The following KAZN variants were observed in gnomAD, a reference collection of about 807,000 sequenced individuals.
KAZN encodes kazrin.
A neutral mutation model predicts 87.4 loss-of-function variants in KAZN; 40 were observed. The observed-to-expected ratio is 0.46, with a 90% CI of 0.36 to 0.60. The LOEUF (loss-of-function observed/expected upper bound fraction) is 0.60, where lower values mean the gene tolerates loss of function less well. Among genes scored for constraint, KAZN ranks in the 20% least tolerant of loss-of-function variants. The pLI is 0.00. For missense variants in KAZN, 898 were observed against 1,073.9 expected, an observed-to-expected ratio of 0.84 and a Z score of 2.29; for synonymous variants, 466 against 458.3, an observed-to-expected ratio of 1.02 and a Z score of -0.22.
chr1:14,058,868 G>C (rs777912504), intron 1 of KAZN, among the ~76,000 whole-genome samples: 26 of 152,188 alleles, frequency 1.7e-4, no homozygotes, highest in Non-Finnish European at 3.7e-4. Flanking sequence ...TTTCCAACCA[G>C]GATCAGCATG....
rs192154046 is a variant in KAZN at position 14,754,526 on chromosome 1, G to A, written c.226+155303G>A. ...TGGGCGCCTGTAACCCCAGCTACTT[G>A]GGAGGCTGAGGCAAGAGGATCGCTT... On this transcript the variant is annotated intron_variant, in intron 1 of 14. Coordinates refer to ENST00000376030, the MANE Select transcript of KAZN (RefSeq NM_201628.3). Among the ~76,000 whole-genome samples the A allele has an allele frequency of 6.2e-4, 95 of 152,206 alleles. 1 individual carries two copies. Among genetic ancestry groups the A allele is most frequent in the African/African-American group, 2.2e-3 (93 of 41,536 alleles).
Position 14,773,762 on chromosome 1 carries a change from C to CCA in KAZN, c.226+174540_226+174541dup, listed in dbSNP as rs1420419863. 6.6e-6 allele frequency among the ~76,000 whole-genome samples: 1 copy of CCA among 152,130 alleles called. No individual in the cohort carries two copies. The highest frequency in any genetic ancestry group is 1.5e-5 in the Non-Finnish European group (1 of 68,016). ...TCTGTGGCCTGGGCTTCCGGGGCTGCCATCTCTAATGAACTCAGCCTTCCT... is the reference window on the plus strand; with the variant it reads ...TCTGTGGCCTGGGCTTCCGGGGCTGCCACATCTCTAATGAACTCAGCCTTCCT... On this transcript the variant is annotated intron_variant, in intron 1 of 14. Transcript: ENST00000376030. The surrounding 1 kb of genome is among the most constrained non-coding windows in gnomAD (Gnocchi z 5.9).
intron 2 of KAZN, among the ~76,000 whole-genome samples, chr1:14,182,623 A>G (rs1336383505): frequency 6.6e-6 from 1 of 152,130 alleles, no homozygotes; most frequent in Non-Finnish European, 1.5e-5. Flanking sequence ...AGGAATCCCA[A>G]CGTTTTGGGG....
intron 2 of KAZN, among the ~76,000 whole-genome samples, chr1:14,568,987 G>A (rs530274449): frequency 2.6e-5 from 4 of 152,246 alleles, no homozygotes; most frequent in Admixed American, 6.5e-5. Context: ...CACTCCATTC[G>A]GTTGATGCAG....
intron 1 of KAZN, among the ~76,000 whole-genome samples, chr1:14,045,039 GA>G (rs1468861305): frequency 1.3e-5 from 2 of 152,142 alleles, no homozygotes; most frequent in Admixed American, 1.3e-4. Flanking sequence ...GATGCAATGT[GA>G]AAAGAGAGAG....
At chr1:14,706,608 G>C (rs1642223370) in intron 1 of KAZN, among the ~76,000 whole-genome samples, 1 of 152,100 alleles carries the variant, frequency 6.6e-6, no homozygotes, top group Non-Finnish European at 1.5e-5. Context: ...CAATTATTGT[G>C]TGTCAACTTT....
chr1:14,615,056 C>T (rs1199560965), intron 1 of KAZN, among the ~76,000 whole-genome samples: 4 of 152,240 alleles, frequency 2.6e-5, no homozygotes, highest in Non-Finnish European at 5.9e-5. Context: ...GCCAATTCCC[C>T]TGTAAATGTC....
chr1:14,797,611 C>T (rs2100720130), intron 1 of KAZN, among the ~76,000 whole-genome samples: 1 of 152,294 alleles, frequency 6.6e-6, no homozygotes, highest in East Asian at 1.9e-4. Context: ...TCATTTTTAT[C>T]ACTGATCTCA....
At chr1:14,141,496 A>AT (rs368959432) in intron 1 of KAZN, among the ~76,000 whole-genome samples, 5 of 150,916 alleles carry the variant, frequency 3.3e-5, no homozygotes, top group African/African-American at 1.2e-4. Context: ...TACAGTAATA[A>AT]AAAAAAAATT....
chr1:14,552,690 T>C (rs1673615884), intron 2 of KAZN, among the ~76,000 whole-genome samples: 1 of 152,202 alleles, frequency 6.6e-6, no homozygotes, highest in African/African-American at 2.4e-5. Context: ...GCAGCTGGAC[T>C]CAGGCAACAG....
chr1:14,248,875 G>A (rs1165328377), intron 2 of KAZN, among the ~76,000 whole-genome samples: 2 of 152,174 alleles, frequency 1.3e-5, no homozygotes, highest in African/African-American at 2.4e-5. Context: ...TTCACACTTA[G>A]AGGCCAAGCA....
chr1:14,803,730 G>A (rs113560891), intron 1 of KAZN, among the ~76,000 whole-genome samples: 2 of 152,250 alleles, frequency 1.3e-5, no homozygotes, highest in African/African-American at 4.8e-5. Flanking sequence ...GCCTGGAGAG[G>A]CGATGCCAAG....
intron 1 of KAZN, among the ~76,000 whole-genome samples, chr1:14,827,386 T>TTC (rs1646923033): frequency 1.3e-5 from 2 of 152,216 alleles, no homozygotes; most frequent in Non-Finnish European, 2.9e-5. Context: ...ACCCAACGTG[T>TTC]AGCCTTTTAT....
chr1:15,069,716 G>A (rs1202626034), intron 8 of KAZN, among the ~76,000 whole-genome samples: 1 of 152,178 alleles, frequency 6.6e-6, no homozygotes, highest in Non-Finnish European at 1.5e-5. Flanking sequence ...AGAAATTGGA[G>A]TAGGGCTGCC....
At chr1:14,438,170 C>T (rs1444808971) in intron 2 of KAZN, among the ~76,000 whole-genome samples, 4 of 151,876 alleles carry the variant, frequency 2.6e-5, no homozygotes, top group Non-Finnish European at 5.9e-5. Context: ...TTTGCAGATG[C>T]CCTGGATGGT....
At chr1:14,645,183 A>T (rs1352644726) in intron 1 of KAZN, among the ~76,000 whole-genome samples, 1 of 152,188 alleles carries the variant, frequency 6.6e-6, no homozygotes, top group Non-Finnish European at 1.5e-5. Context: ...TACCAGTACC[A>T]TGCTGTTTTG....
chr1:14,563,452 C>T (rs2148531771), intron 2 of KAZN, among the ~76,000 whole-genome samples: 1 of 152,300 alleles, frequency 6.6e-6, no homozygotes, highest in Non-Finnish European at 1.5e-5. Context: ...TCACAACATG[C>T]TTCTATCATG....
chr1:15,066,516 A>G lies in KAZN; in HGVS notation c.1222+763A>G. ...TCAGAGGTCAAACCGGCTCTTTTAA[A>G]CGGCCTACCAGTTTTTAAATTGCAT... is the stretch of plus-strand genomic sequence containing the variant. On this transcript the variant is annotated intron_variant, in intron 8 of 14. Coordinates refer to ENST00000376030, the MANE Select transcript of KAZN (RefSeq NM_201628.3). The surrounding 1 kb of genome is among the most constrained non-coding windows in gnomAD (Gnocchi z 4.3). 2.0e-6 allele frequency: 2 copies of G among 985,430 alleles called. No individual in the cohort carries two copies. The highest frequency in any genetic ancestry group is 2.4e-6 in the Non-Finnish European group (2 of 829,924). 61.0% of individuals were successfully genotyped at this position (985,430 alleles called of 1,614,324 possible). A position where few individuals can be genotyped will look rare whatever the true frequency, so the allele number is the denominator to read the frequency against.
chr1:13,974,939 A>G (rs12028225), intron 1 of KAZN, among the ~76,000 whole-genome samples: 34,874 of 152,080 alleles, frequency 0.23, 4,384 homozygotes, highest in East Asian at 0.48. Flanking sequence ...CTTTCCCTAC[A>G]GTGTAATTTG....
Sources: allele counts gnomAD v4.1 joint callset (sites outside exome capture counted in the v4.1 genomes callset), GRCh38; gene constraint gnomAD v4.1.1; non-coding constraint Gnocchi (gnomAD v3.1); transcripts MANE v1.5; gene names NCBI Gene and HGNC (gene_info 2026-07-23, HGNC 2026-07-21).